Variants in GEMIN5 observed in about 807,000 individuals in gnomAD.
The protein encoded by GEMIN5 is gem-associated protein 5.
A neutral mutation model predicts 176.9 loss-of-function variants in GEMIN5; 124 were observed. The ratio of observed to expected loss-of-function variants is 0.70; its 90% confidence interval spans 0.61 to 0.81. The LOEUF (loss-of-function observed/expected upper bound fraction) is 0.81. GEMIN5 is among the 40% of genes least tolerant of loss of function. The pLI, the probability that GEMIN5 is intolerant of heterozygous loss-of-function variation, is 0.00. For missense variants in GEMIN5, 1,843 were observed against 1,814.6 expected (o/e 1.02, Z -0.28); for synonymous variants, 673 against 665.2 (o/e 1.01, Z -0.18).
chr5:154,911,124 T>C (rs897102436), intron 15 of GEMIN5, among the ~76,000 whole-genome samples: 3 of 152,372 alleles, frequency 2.0e-5, no homozygotes, highest in Admixed American at 6.5e-5. Flanking sequence ...GGCATAAGAA[T>C]GTTCCAGGTT....
In GEMIN5 at chr5:154,927,463, T is replaced by G. The variant is rs1764066366; in HGVS notation, c.1002A>C (p.Ser334=). ...AAGGACATAAATTAAACACAATTCT[T>G]GAATGATTTTGCCCTTCTGATGAGG... ...FSASSEGQNH[S]RIVFNLCPLQ... is the part of the protein sequence containing the mutation. The change falls in exon 7 of 28, where the codon TCA becomes TCC. Residue 334 remains serine, a synonymous_variant. Coordinates refer to ENST00000285873, the MANE Select transcript of GEMIN5 (RefSeq NM_015465.5). 3 of 1,603,748 alleles carry G rather than the reference T, an allele frequency of 1.9e-6. No homozygotes were observed. The highest frequency in any genetic ancestry group is 2.6e-6 in the Non-Finnish European group (3 of 1,170,598).
At chr5:154,922,637 T>C (rs867912933) in intron 9 of GEMIN5, among the ~76,000 whole-genome samples, 25 of 152,174 alleles carry the variant, frequency 1.6e-4, no homozygotes, top group Middle Eastern at 3.4e-3. Flanking sequence ...CATGGTGATA[T>C]AGAACTATTT....
chr5:154,891,441 AC>A lies in GEMIN5; in HGVS notation c.4061del (p.Ser1354IlefsTer31). 1 of 1,614,002 alleles carries A rather than the reference AC, an allele frequency of 6.2e-7. No homozygotes were observed. The highest frequency in any genetic ancestry group is 8.5e-7 in the Non-Finnish European group (1 of 1,179,980). On this transcript the variant is annotated frameshift_variant, in exon 26 of 28. Transcript: ENST00000285873. LOFTEE classifies it high-confidence loss of function. ...RLTEEGERML[S>X]TFKELFSEKH... ...TTTCTGAAAAGAGCTCCTTAAAAGT[AC>A]TCAGCATTCGCTCACCTTCTTCTGT...
At position 154,904,396 on chromosome 5, in the gene GEMIN5, C is replaced by T. The variant is rs112531797; in HGVS notation, c.2632+111G>A. 2.2e-4 allele frequency: 218 copies of T among 977,416 alleles called. 5 individuals are homozygous for T. In the African/African-American group the frequency reaches 2.9e-3, roughly 13 times the overall value. The allele number at this position is 977,416 out of a possible 1,614,324, so 60.5% of individuals were successfully genotyped here. Reference sequence around the variant, plus strand: ...GGGAGAGCTGGAGAACATAAAAATACAGAAAACAATTTAGACATTTCTTTG... The same window carrying T: ...GGGAGAGCTGGAGAACATAAAAATATAGAAAACAATTTAGACATTTCTTTG... On this transcript the variant is annotated intron_variant, in intron 18 of 27. Transcript: ENST00000285873.
At chr5:154,909,927 C>G (rs1019751363) in intron 15 of GEMIN5, among the ~76,000 whole-genome samples, 1 of 151,098 alleles carries the variant, frequency 6.6e-6, no homozygotes, top group Non-Finnish European at 1.5e-5. Context: ...TGTAGTGAGC[C>G]GAGAGTGCAC....
chr5:154,932,833 G>A (rs1158462709), intron 3 of GEMIN5, among the ~76,000 whole-genome samples: 1 of 152,144 alleles, frequency 6.6e-6, no homozygotes, highest in Admixed American at 6.6e-5. Context: ...CTAAAGTGAT[G>A]GGATTATAGG....
chr5:154,906,225 G>A (rs1460167123), intron 16 of GEMIN5, among the ~76,000 whole-genome samples: 1 of 151,748 alleles, frequency 6.6e-6, no homozygotes, highest in Non-Finnish European at 1.5e-5. Context: ...CAAGCTCCTG[G>A]GTTGAAGCAA....
chr5:154,912,921 G>A lies in GEMIN5; in HGVS notation c.1973C>T (p.Ala658Val). ...SPHHDGRLVS[A>V]SYDGTAQVWD... ...TACCTGGGCTGTACCATCATAGGAA[G>A]CAGATACCAGCCTTCCATCATGATG... The change falls in exon 14 of 28, where the codon GCT (alanine) becomes GTT (valine). Residue 658 changes from alanine to valine, a missense_variant. Transcript: ENST00000285873. 1 of 1,613,830 alleles carries A rather than the reference G, an allele frequency of 6.2e-7. No homozygotes were observed. The highest frequency in any genetic ancestry group is 8.5e-7 in the Non-Finnish European group (1 of 1,179,780).
Position 154,908,171 on chromosome 5 carries a change from C to CTTTTTTTTTT in GEMIN5, c.2168-354_2168-353insAAAAAAAAAA, listed in dbSNP as rs1561716794. On this transcript the variant is annotated intron_variant, in intron 15 of 27. Transcript: ENST00000285873. Reference sequence around the variant, plus strand: ...AGTTCTGCCAATTTTACCCAGATGTCCTTTTTTTTTTTTTTTTTTTTTTTT... The same window carrying CTTTTTTTTTT: ...AGTTCTGCCAATTTTACCCAGATGTCTTTTTTTTTTCTTTTTTTTTTTTTTTTTTTTTTTT... Among the ~76,000 whole-genome samples, 2 of 88,708 alleles carry CTTTTTTTTTT rather than the reference C, an allele frequency of 2.3e-5. 1 individual carries two copies. The highest frequency in any genetic ancestry group is 9.0e-5 in the African/African-American group (2 of 22,282). The allele number at this position is 88,708 out of a possible 152,430, so 58.2% of individuals were successfully genotyped here. A position where few individuals can be genotyped will look rare whatever the true frequency, so the allele number is the denominator to read the frequency against.
chr5:154,904,669 G>A (rs376221974), intron 17 of GEMIN5, 40 bp from the exon 18 acceptor site: 17 of 1,537,248 alleles, frequency 1.1e-5, no homozygotes, highest in Non-Finnish European at 1.5e-5. Flanking sequence ...AAGGAGAACT[G>A]ATCAGAAACA....
intron 14 of GEMIN5, 41 bp downstream of exon 14, chr5:154,912,858 T>C (rs1401219772): frequency 1.3e-6 from 2 of 1,555,460 alleles, no homozygotes; most frequent in African/African-American, 1.4e-5. Context: ...TTTGTTAGAG[T>C]ACACAGTGAA....
chr5:154,890,567 G>C (rs1032164373), intron 26 of GEMIN5, among the ~76,000 whole-genome samples: 3 of 150,300 alleles, frequency 2.0e-5, no homozygotes, highest in Non-Finnish European at 4.4e-5. Context: ...GGGCTTAAGT[G>C]ATCCTCCCAC....
At chr5:154,935,681 T>G (rs1191193114) in intron 3 of GEMIN5, among the ~76,000 whole-genome samples, 160 bp downstream of exon 3, 1 of 152,094 alleles carries the variant, frequency 6.6e-6, no homozygotes, top group Non-Finnish European at 1.5e-5. Flanking sequence ...GCAGAGACAG[T>G]AAAGACCTGG....
At chr5:154,931,717 T>A in intron 4 of GEMIN5, 140 bp from the exon 5 acceptor site, 1 of 667,094 alleles carries the variant, frequency 1.5e-6, no homozygotes, top group Non-Finnish European at 2.5e-6. Context: ...TAGGTATAAT[T>A]AAAATGATAT....
Position 154,891,505 on chromosome 5 carries a change from G to A in GEMIN5, c.3998C>T (p.Pro1333Leu), listed in dbSNP as rs142282106. 2 of 1,614,164 alleles carry A rather than the reference G, an allele frequency of 1.2e-6. No homozygotes were observed. Among genetic ancestry groups the A allele is most frequent in the East Asian group, 2.2e-5 (1 of 44,874 alleles). ...TEETDPETSQ[P>L]EPNRPSELDL... ...TAGTTCTGAAGGCCTGTTTGGCTCT[G>A]GCTGAGAAGTTTCAGGGTCCGTTTC... is the stretch of plus-strand genomic sequence containing the variant. The change falls in exon 26 of 28, where the codon CCA becomes CTA. Residue 1333 changes from proline to leucine, a missense_variant. By Grantham distance (98) the Pro-to-Leu change is moderately conservative. Transcript: ENST00000285873.
In GEMIN5 at chr5:154,924,524, A is replaced by T. The variant is rs772684136; in HGVS notation, c.1324T>A (p.Leu442Ile). 2 of 1,612,994 alleles carry T rather than the reference A, an allele frequency of 1.2e-6. No individual in the cohort carries two copies. The highest frequency in any genetic ancestry group is 4.5e-5 in the East Asian group (2 of 44,870). ...LCWHPTKEGC[L>I]AFGTDDGKVG... ...TTTCCATCATCAGTTCCAAAAGCTA[A>T]GCAACCTTCCTTGGTTGGGTGCCAG... Residue 442 changes from leucine (L) to isoleucine (I), a missense_variant, in exon 9 of 28, where the codon TTA becomes ATA. Leu to Ile is a conservative substitution (Grantham distance 5). Transcript: ENST00000285873.
chr5:154,907,207 A>C (rs184542185), intron 16 of GEMIN5, among the ~76,000 whole-genome samples: 2 of 152,322 alleles, frequency 1.3e-5, no homozygotes, highest in African/African-American at 4.8e-5. Context: ...GGTAGCTTCT[A>C]GGTCAGACAT....
chr5:154,902,448 G>T, intron 20 of GEMIN5, 91 bp downstream of exon 20: 2 of 1,192,498 alleles, frequency 1.7e-6, no homozygotes, highest in Non-Finnish European at 1.2e-6. Flanking sequence ...GTGATTTCAA[G>T]CTTAAGACTG....
intron 13 of GEMIN5, among the ~76,000 whole-genome samples, chr5:154,914,227 G>A (rs559966912): frequency 1.8e-4 from 27 of 152,254 alleles, no homozygotes; most frequent in African/African-American, 6.0e-4. Context: ...CACCATGTTG[G>A]CCAGGCTGGT....
Sources: gnomAD v4.1 joint callset for allele counts (sites outside exome capture counted in the v4.1 genomes callset) on GRCh38, gnomAD v4.1.1 for gene constraint, MANE v1.5 for transcripts, NCBI Gene and HGNC (gene_info 2026-07-23, HGNC 2026-07-21) for gene names.